The following NKAIN3 variants were observed in gnomAD, a reference collection of about 807,000 sequenced individuals.
The protein encoded by NKAIN3 is sodium/potassium-transporting ATPase subunit beta-1-interacting protein 3.
Under a neutral mutation model 30.2 loss-of-function variants are expected in NKAIN3, and 25 were observed. That is an observed-to-expected ratio of 0.83 (90% CI 0.60 to 1.16). The LOEUF (loss-of-function observed/expected upper bound fraction) is 1.16, where lower values mean the gene tolerates loss of function less well. NKAIN3 is among the 50% of genes most tolerant of loss of function. The pLI is 0.00. For missense variants in NKAIN3, 225 were observed against 254.1 expected, an observed-to-expected ratio of 0.89 and a Z score of 0.78; for synonymous variants, 91 against 89.6, an observed-to-expected ratio of 1.02 and a Z score of -0.09.
intron 4 of NKAIN3, among the ~76,000 whole-genome samples, chr8:62,809,281 C>T (rs1008836110): frequency 2.0e-5 from 3 of 152,126 alleles, no homozygotes; most frequent in African/African-American, 7.2e-5. Flanking sequence ...AGGCCACATA[C>T]ATCCTCAGCT....
chr8:62,520,693 A>C (rs1808127506), intron 1 of NKAIN3, among the ~76,000 whole-genome samples: 1 of 152,074 alleles, frequency 6.6e-6, no homozygotes, highest in African/African-American at 2.4e-5. Flanking sequence ...TAAAATTTGA[A>C]GTTTGGTTTC....
At chr8:62,763,248 A>C (rs1451981372) in intron 4 of NKAIN3, among the ~76,000 whole-genome samples, 2 of 138,796 alleles carry the variant, frequency 1.4e-5, no homozygotes, top group Non-Finnish European at 3.1e-5. Context: ...AAAAAAAAAA[A>C]AAAAAAAAAA....
At chr8:62,412,135 G>T (rs1483874439) in intron 1 of NKAIN3, among the ~76,000 whole-genome samples, 1 of 152,044 alleles carries the variant, frequency 6.6e-6, no homozygotes. Flanking sequence ...AAAGAACAAG[G>T]CCAAAGGCAT....
chr8:62,515,756 C>T (rs1233503489), intron 1 of NKAIN3, among the ~76,000 whole-genome samples: 2 of 152,078 alleles, frequency 1.3e-5, no homozygotes, highest in African/African-American at 4.8e-5. Flanking sequence ...TTTGGGCTCT[C>T]TAATTTTTGC....
intron 4 of NKAIN3, among the ~76,000 whole-genome samples, chr8:62,811,281 C>A (rs1346819909): frequency 6.6e-6 from 1 of 151,974 alleles, no homozygotes; most frequent in Non-Finnish European, 1.5e-5. Flanking sequence ...GAAAGGACAT[C>A]TATGTTGTTT....
chr8:62,866,772 C>T (rs1409842545), intron 4 of NKAIN3, among the ~76,000 whole-genome samples: 1 of 151,890 alleles, frequency 6.6e-6, no homozygotes, highest in Non-Finnish European at 1.5e-5. Flanking sequence ...ATTGGCCAGG[C>T]GCAGTGGCTC....
chr8:62,446,933 C>A (rs1240438518), intron 1 of NKAIN3, among the ~76,000 whole-genome samples: 2 of 151,980 alleles, frequency 1.3e-5, no homozygotes, highest in Non-Finnish European at 2.9e-5. Context: ...GTGTGCAAAG[C>A]TTTCATGTAT....
chr8:62,757,753 C>T (rs1199279637), intron 4 of NKAIN3, among the ~76,000 whole-genome samples: 2 of 152,290 alleles, frequency 1.3e-5, no homozygotes, highest in East Asian at 3.9e-4. Flanking sequence ...ATAATGAGTG[C>T]AGTGCCCTTT....
chr8:62,677,978 C>G (rs16929386), intron 3 of NKAIN3, among the ~76,000 whole-genome samples: 13,502 of 152,162 alleles, frequency 0.089, 787 homozygotes, highest in East Asian at 0.25. Flanking sequence ...TTTCTGAGTC[C>G]AAACATACCA....
At chr8:62,688,405 T>A (rs1813860076) in intron 3 of NKAIN3, among the ~76,000 whole-genome samples, 1 of 152,154 alleles carries the variant, frequency 6.6e-6, no homozygotes, top group South Asian at 2.1e-4. Flanking sequence ...TGGTATACTG[T>A]TTGTTGTAGT....
chr8:62,958,418 T>C (rs1471092021), intron 6 of NKAIN3, among the ~76,000 whole-genome samples: 1 of 150,516 alleles, frequency 6.6e-6, no homozygotes. Context: ...AGTCTCACCA[T>C]AACTGCCATG....
At chr8:62,802,874 C>T (rs566628000) in intron 4 of NKAIN3, among the ~76,000 whole-genome samples, 2 of 152,284 alleles carry the variant, frequency 1.3e-5, no homozygotes, top group South Asian at 4.2e-4. Flanking sequence ...AAACCCATCT[C>T]ACGTGCAGAG....
chr8:62,550,186 C>A (rs746283965), intron 1 of NKAIN3, among the ~76,000 whole-genome samples: 1 of 152,046 alleles, frequency 6.6e-6, no homozygotes, highest in Non-Finnish European at 1.5e-5. Flanking sequence ...CAAACTATGG[C>A]CTTTAAAAGG....
intron 4 of NKAIN3, among the ~76,000 whole-genome samples, chr8:62,774,685 C>T (rs1817131211): frequency 6.6e-6 from 1 of 152,052 alleles, no homozygotes; most frequent in African/African-American, 2.4e-5. Flanking sequence ...GTACTTTATT[C>T]TGTTGACATG....
rs373803057 is a variant in NKAIN3, at chr8:62,833,591, C to A, written c.472-84862C>A. On this transcript the variant is annotated intron_variant, in intron 4 of 6. Coordinates refer to ENST00000623646, the MANE Select transcript of NKAIN3 (RefSeq NM_001304533.3). ...AGAAAATCCAGAGGAAATGGATCAA[C>A]TCCTGGAAACAAAACAACCTCCCAA... 1.8e-4 allele frequency among the ~76,000 whole-genome samples: 27 copies of A among 152,050 alleles called. No homozygotes were observed. The East Asian group carries it at 2.9e-3, about 16-fold the overall frequency.
chr8:62,510,823 C>T (rs1807793308), intron 1 of NKAIN3, among the ~76,000 whole-genome samples: 1 of 151,960 alleles, frequency 6.6e-6, no homozygotes, highest in Admixed American at 6.6e-5. Flanking sequence ...TTTCCTTGAC[C>T]TCTTCTTTCA....
chr8:62,276,363 G>C (rs912429800), intron 1 of NKAIN3, among the ~76,000 whole-genome samples: 12 of 152,156 alleles, frequency 7.9e-5, no homozygotes, highest in African/African-American at 2.9e-4. Context: ...ACTGCGCCCA[G>C]CCTGATTTTG....
At chr8:62,819,024 G>T (rs1818772626) in intron 4 of NKAIN3, among the ~76,000 whole-genome samples, 1 of 151,456 alleles carries the variant, frequency 6.6e-6, no homozygotes, top group Admixed American at 6.6e-5. Context: ...AAAGAAATTT[G>T]AAAACAAATT....
At chr8:62,717,351 T>TG (rs1163557004) in intron 3 of NKAIN3, among the ~76,000 whole-genome samples, 1 of 152,252 alleles carries the variant, frequency 6.6e-6, no homozygotes, top group African/African-American at 2.4e-5. Context: ...ATTTGGAAGG[T>TG]GACTTTTTTT....
Sources: allele counts gnomAD v4.1 joint callset (sites outside exome capture counted in the v4.1 genomes callset), GRCh38; gene constraint gnomAD v4.1.1; transcripts MANE v1.5; gene names NCBI Gene and HGNC (gene_info 2026-07-23, HGNC 2026-07-21).